The following SCN8A variants were observed in gnomAD, a reference collection of about 807,000 sequenced individuals.
SCN8A encodes the protein sodium channel protein type 8 subunit alpha.
A neutral mutation model predicts 184.1 loss-of-function variants in SCN8A; 30 were observed. That is an observed-to-expected ratio of 0.16 (90% CI 0.12 to 0.22). SCN8A has a LOEUF of 0.22. SCN8A is among the 10% of genes least tolerant of loss of function. The pLI, the probability that SCN8A is intolerant of heterozygous loss-of-function variation, is 1.00. For missense variants in SCN8A, 1,057 were observed against 2,498.9 expected (o/e 0.42, Z 12.30); for synonymous variants, 852 against 907.0 (o/e 0.94, Z 1.09).
At chr12:51,596,728 G>A (rs557455496) in intron 1 of SCN8A, among the ~76,000 whole-genome samples, 1 of 152,266 alleles carries the variant, frequency 6.6e-6, no homozygotes, top group Admixed American at 6.5e-5. Context: ...AGGCACCAAA[G>A]TAACACACTT....
At position 51,657,828 on chromosome 12, in the gene SCN8A, C is replaced by G. The variant is rs549258422; in HGVS notation, c.-54-4936C>G. Among the ~76,000 whole-genome samples the G allele has an allele frequency of 3.9e-5, 6 of 152,180 alleles. No homozygotes were observed. In the East Asian group the frequency reaches 1.2e-3, roughly 29 times the overall value. ...GAGATAGGGTTCCAGTTTCATTCTTCTGCATATGGTTATCCAGTTTTCCCG... is the reference window on the plus strand; with the variant it reads ...GAGATAGGGTTCCAGTTTCATTCTTGTGCATATGGTTATCCAGTTTTCCCG... On this transcript the variant is annotated intron_variant, in intron 1 of 26. Coordinates refer to ENST00000627620, the MANE Select transcript of SCN8A (RefSeq NM_001330260.2).
At chr12:51,667,455 G>A (rs1372827956) in intron 2 of SCN8A, among the ~76,000 whole-genome samples, 1 of 151,762 alleles carries the variant, frequency 6.6e-6, no homozygotes, top group Non-Finnish European at 1.5e-5. Flanking sequence ...CAACCTCCTG[G>A]GCAACCTCCA....
intron 1 of SCN8A, among the ~76,000 whole-genome samples, chr12:51,621,727 C>T (rs751501467): frequency 6.6e-6 from 1 of 152,218 alleles, no homozygotes; most frequent in African/African-American, 2.4e-5. Context: ...AGGCCTCTTA[C>T]AGGCAGTCTA....
intron 6 of SCN8A, among the ~76,000 whole-genome samples, chr12:51,695,783 A>G (rs1941582494): frequency 6.6e-6 from 1 of 152,198 alleles, no homozygotes; most frequent in Non-Finnish European, 1.5e-5. Flanking sequence ...AATATTACTC[A>G]ACTGTCTCTT....
Position 51,810,133 on chromosome 12 carries a change from A to G in SCN8A, c.*2704A>G. On this transcript the variant is annotated 3_prime_UTR_variant, in exon 27 of 27. Transcript: ENST00000627620. ...TGAGATCTAACCGTTTCCCTCCGCT[A>G]GCTCCTGACCCCAGCCCAGCAGGCT... is the stretch of plus-strand genomic sequence containing the variant. 1 of 188,302 alleles carries G rather than the reference A, an allele frequency of 5.3e-6. No individual in the cohort carries two copies. Among genetic ancestry groups the G allele is most frequent in the Non-Finnish European group, 1.1e-5 (1 of 88,102 alleles). The allele number at this position is 188,302 out of a possible 1,614,324, so 11.7% of individuals were successfully genotyped here.
intron 11 of SCN8A, among the ~76,000 whole-genome samples, chr12:51,719,773 A>T (rs1211985554): frequency 5.3e-5 from 8 of 150,034 alleles, no homozygotes. Context: ...AAATAAGAAA[A>T]AATTTATGCT....
intron 13 of SCN8A, among the ~76,000 whole-genome samples, chr12:51,747,870 A>T (rs1942537720): frequency 6.6e-6 from 1 of 151,456 alleles, no homozygotes; most frequent in Non-Finnish European, 1.5e-5. Context: ...CATTAAAAAA[A>T]AAAATAGATG....
intron 21 of SCN8A, 60 bp from the exon 22 acceptor site, chr12:51,786,481 TC>T: frequency 6.4e-7 from 1 of 1,573,306 alleles, no homozygotes; most frequent in Non-Finnish European, 8.7e-7. Flanking sequence ...CTCCTGGAAA[TC>T]AAAAAATGTG....
intron 9 of SCN8A, among the ~76,000 whole-genome samples, chr12:51,704,670 CAAAAAAA>C (rs34946747): frequency 1.6e-4 from 15 of 93,114 alleles, no homozygotes; most frequent in African/African-American, 6.2e-4. Flanking sequence ...ACTCCACCTA[CAAAAAAA>C]AAAAAAAAAA....
chr12:51,724,438 A>C (rs542250860), intron 12 of SCN8A, among the ~76,000 whole-genome samples: 1 of 152,160 alleles, frequency 6.6e-6, no homozygotes, highest in African/African-American at 2.4e-5. Context: ...GAAGAGCAAC[A>C]CTCTTGTCTC....
chr12:51,625,211 T>C (rs1256449341), intron 1 of SCN8A, among the ~76,000 whole-genome samples: 1 of 152,234 alleles, frequency 6.6e-6, no homozygotes, highest in East Asian at 1.9e-4. Flanking sequence ...CTGCAAACCC[T>C]GATAACTAGT....
chr12:51,601,855 GTTTTTTTTTT>G (rs938674707), intron 1 of SCN8A, among the ~76,000 whole-genome samples: 5 of 109,746 alleles, frequency 4.6e-5, no homozygotes, highest in East Asian at 5.2e-4. Flanking sequence ...CAGAGAAAGG[GTTTTTTTTTT>G]TTTTTTTTTT....
intron 26 of SCN8A, among the ~76,000 whole-genome samples, chr12:51,804,370 A>G (rs1938635323): frequency 6.7e-6 from 1 of 150,176 alleles, no homozygotes; most frequent in African/African-American, 2.5e-5. Context: ...CCTGTCGCCC[A>G]GGCTGGGGTG....
At chr12:51,592,801 A>G (rs1939258102) in intron 1 of SCN8A, among the ~76,000 whole-genome samples, 1 of 152,036 alleles carries the variant, frequency 6.6e-6, no homozygotes, top group Non-Finnish European at 1.5e-5. Context: ...AGAGAGAGGT[A>G]GCAGTGTGTT....
At chr12:51,786,886 A>T (rs184339163) in intron 22 of SCN8A, 60 bp downstream of exon 22, 1,191 of 1,489,118 alleles carry the variant, frequency 8.0e-4, no homozygotes, top group Non-Finnish European at 8.3e-4. Context: ...GCTAGCACAA[A>T]TCCCATTTGG....
At chr12:51,786,059 A>C (rs935749644) in intron 21 of SCN8A, among the ~76,000 whole-genome samples, 7 of 152,340 alleles carry the variant, frequency 4.6e-5, no homozygotes, top group South Asian at 2.1e-4. Flanking sequence ...CGTAGTCATA[A>C]AAGAGACATT....
At chr12:51,658,078 G>A (rs1940857806) in intron 1 of SCN8A, among the ~76,000 whole-genome samples, 1 of 151,958 alleles carries the variant, frequency 6.6e-6, no homozygotes, top group South Asian at 2.1e-4. Context: ...CTTTTGCTCA[G>A]GATTACTTTG....
chr12:51,790,373 T>G, intron 24 of SCN8A, 25 bp from the exon 25 acceptor site: 1 of 1,543,474 alleles, frequency 6.5e-7, no homozygotes, highest in Non-Finnish European at 8.9e-7. Context: ...GTTGTAATTG[T>G]CTGTTTTCTT....
At chr12:51,749,462 C>T (rs180716931) in intron 13 of SCN8A, among the ~76,000 whole-genome samples, 3 of 152,184 alleles carry the variant, frequency 2.0e-5, no homozygotes, top group Non-Finnish European at 2.9e-5. Context: ...AAAAAGGGAA[C>T]GGAACTAAAT....
Sources: allele counts gnomAD v4.1 joint callset (sites outside exome capture counted in the v4.1 genomes callset), GRCh38; gene constraint gnomAD v4.1.1; transcripts MANE v1.5; gene names NCBI Gene and HGNC (gene_info 2026-07-23, HGNC 2026-07-21).